Variants in CA10 observed in about 807,000 individuals in gnomAD.
CA10 encodes the protein carbonic anhydrase 10 (inactive), also known as carbonic anhydrase-related protein 10.
A neutral mutation model predicts 44.2 loss-of-function variants in CA10; 14 were observed. The ratio of observed to expected loss-of-function variants is 0.32; its 90% confidence interval spans 0.21 to 0.50. The LOEUF (loss-of-function observed/expected upper bound fraction) is 0.50, where lower values mean the gene tolerates loss of function less well. CA10 is among the 20% of genes least tolerant of loss of function. CA10 has a pLI of 0.99. For synonymous variants in CA10, 159 were observed against 141.6 expected, an observed-to-expected ratio of 1.12 and a Z score of -0.87; for missense variants, 350 against 409.7, an observed-to-expected ratio of 0.85 and a Z score of 1.26.
chr17:51,777,982 G>A (rs1905896748), intron 3 of CA10, among the ~76,000 whole-genome samples: 1 of 152,094 alleles, frequency 6.6e-6, no homozygotes, highest in Admixed American at 6.6e-5. Context: ...GTTATTGATG[G>A]AGCCTCATCT....
At chr17:51,832,488 T>C (rs1304080910) in intron 3 of CA10, among the ~76,000 whole-genome samples, 1 of 152,198 alleles carries the variant, frequency 6.6e-6, no homozygotes, top group South Asian at 2.1e-4. Flanking sequence ...AACACCTTTA[T>C]ACAGGTGATG....
intron 3 of CA10, among the ~76,000 whole-genome samples, chr17:51,752,442 C>T (rs753388770): frequency 3.3e-5 from 5 of 151,982 alleles, no homozygotes; most frequent in Non-Finnish European, 7.4e-5. Flanking sequence ...CCTTAATTCA[C>T]TGCAAAATAA....
intron 3 of CA10, among the ~76,000 whole-genome samples, chr17:51,908,482 G>A (rs1263211915): frequency 6.6e-6 from 1 of 152,252 alleles, no homozygotes; most frequent in African/African-American, 2.4e-5. Flanking sequence ...TTAAAGACTA[G>A]AATATTTATC....
intron 4 of CA10, among the ~76,000 whole-genome samples, chr17:51,711,094 C>T (rs969894829): frequency 2.6e-5 from 4 of 151,782 alleles, no homozygotes; most frequent in Admixed American, 6.6e-5. Flanking sequence ...ACAGAAAACG[C>T]GACGTATAAA....
intron 4 of CA10, among the ~76,000 whole-genome samples, chr17:51,717,756 TAC>T (rs374787030): frequency 0.039 from 801 of 20,484 alleles, 93 homozygotes; most frequent in African/African-American, 0.061. Flanking sequence ...CATGTATATA[TAC>T]GTATATATGT....
At chr17:52,046,258 C>G (rs1196685920) in intron 2 of CA10, among the ~76,000 whole-genome samples, 13 of 149,874 alleles carry the variant, frequency 8.7e-5, no homozygotes, top group African/African-American at 3.2e-4. Flanking sequence ...TCCATGACAC[C>G]AACCAAGAAC....
intron 2 of CA10, among the ~76,000 whole-genome samples, chr17:52,006,849 T>G (rs914077129): frequency 2.0e-5 from 3 of 151,794 alleles, no homozygotes; most frequent in East Asian, 3.9e-4. Context: ...CTAAGTTGAT[T>G]AATCTGAGAT....
intron 2 of CA10, among the ~76,000 whole-genome samples, chr17:51,973,293 T>C (rs1984346997): frequency 6.6e-6 from 1 of 152,190 alleles, no homozygotes; most frequent in Non-Finnish European, 1.5e-5. Context: ...GTGGAGCCCA[T>C]GCAAGGAGGA....
intron 3 of CA10, among the ~76,000 whole-genome samples, chr17:51,878,325 G>C (rs896260966): frequency 6.6e-6 from 1 of 151,978 alleles, no homozygotes; most frequent in Non-Finnish European, 1.5e-5. Flanking sequence ...CTGATAAGTA[G>C]ACAAGTTCAG....
intron 2 of CA10, among the ~76,000 whole-genome samples, chr17:51,989,155 T>TTC (rs1223335850): frequency 8.3e-5 from 12 of 143,896 alleles, no homozygotes; most frequent in African/African-American, 3.0e-4. Flanking sequence ...CTCTGTTTCT[T>TTC]TTTTTTTTTT....
intron 2 of CA10, among the ~76,000 whole-genome samples, chr17:51,941,620 G>A (rs1983080441): frequency 1.3e-5 from 2 of 152,098 alleles, no homozygotes; most frequent in African/African-American, 4.8e-5. Context: ...ATAATCACAT[G>A]ACCTACTTGA....
intron 4 of CA10, among the ~76,000 whole-genome samples, chr17:51,669,105 T>C (rs1183171752): frequency 6.6e-6 from 1 of 152,176 alleles, no homozygotes; most frequent in Admixed American, 6.5e-5. Context: ...CCCGGTCCCA[T>C]CAACTGCCCA....
intron 3 of CA10, among the ~76,000 whole-genome samples, chr17:51,873,409 A>C (rs1013704974): frequency 6.6e-6 from 1 of 152,194 alleles, no homozygotes; most frequent in African/African-American, 2.4e-5. Context: ...AGTGCAGTGC[A>C]TTAGGTAGTT....
intron 1 of CA10, among the ~76,000 whole-genome samples, chr17:52,087,344 G>A (rs1341248691): frequency 6.6e-6 from 1 of 152,182 alleles, no homozygotes; most frequent in African/African-American, 2.4e-5. Flanking sequence ...GTTTTGCCAT[G>A]TTGGCCAGAC....
intron 3 of CA10, among the ~76,000 whole-genome samples, chr17:51,793,102 T>C (rs967204611): frequency 1.3e-5 from 2 of 152,212 alleles, no homozygotes; most frequent in African/African-American, 4.8e-5. Flanking sequence ...CTGTTCCATC[T>C]TTCTTCTCTC....
intron 4 of CA10, among the ~76,000 whole-genome samples, chr17:51,675,901 G>T (rs1018064756): frequency 6.6e-6 from 1 of 152,126 alleles, no homozygotes; most frequent in Non-Finnish European, 1.5e-5. Context: ...CAAGACATTT[G>T]CATGTGAGAG....
At chr17:51,929,604 CAAGA>C (rs1004113271) in intron 3 of CA10, among the ~76,000 whole-genome samples, 12 of 152,132 alleles carry the variant, frequency 7.9e-5, no homozygotes, top group Admixed American at 7.2e-4. Flanking sequence ...TCACCCTCTC[CAAGA>C]AAGAAAGAAT....
At chr17:51,809,374 C>A (rs556266021) in intron 3 of CA10, among the ~76,000 whole-genome samples, 7 of 152,174 alleles carry the variant, frequency 4.6e-5, no homozygotes, top group African/African-American at 9.6e-5. Flanking sequence ...TCATTTATAC[C>A]AAAATTATTA....
Position 52,001,776 on chromosome 17 carries a change from A to T in CA10, c.136+70543T>A, listed in dbSNP as rs191799841. Reference sequence around the variant, plus strand: ...TTCTCAAAACTATCCTGCCTGAAGCAGATTTTAAGTTTCTACCATTCACAT... The same window carrying T: ...TTCTCAAAACTATCCTGCCTGAAGCTGATTTTAAGTTTCTACCATTCACAT... On this transcript the variant is annotated intron_variant, in intron 2 of 8. Transcript: ENST00000451037. 2.0e-5 allele frequency among the ~76,000 whole-genome samples: 3 copies of T among 152,160 alleles called. No individual in the cohort carries two copies. The East Asian group carries it at 5.8e-4, about 30-fold the overall frequency.
Sources: allele counts gnomAD v4.1 joint callset (sites outside exome capture counted in the v4.1 genomes callset), GRCh38; gene constraint gnomAD v4.1.1; transcripts MANE v1.5; gene names NCBI Gene and HGNC (gene_info 2026-07-23, HGNC 2026-07-21).